Variants in MARCHF1 observed in about 807,000 individuals in gnomAD.
The protein encoded by MARCHF1 is membrane associated ring-CH-type finger 1.
MARCHF1 carries 40 observed loss-of-function variants against 54.2 expected under a neutral mutation model. That is an observed-to-expected ratio of 0.74 (90% confidence interval 0.57 to 0.96). The LOEUF (loss-of-function observed/expected upper bound fraction) is 0.96, where lower values mean the gene tolerates loss of function less well. MARCHF1 is among the 40% of genes least tolerant of loss of function. The pLI is 0.00. For synonymous variants in MARCHF1, 236 were observed against 236.3 expected (o/e 1.00, Z 0.01); for missense variants, 586 against 656.5 (o/e 0.89, Z 1.17).
chr4:163,970,202 G>C (rs1752522235), intron 3 of MARCHF1, among the ~76,000 whole-genome samples: 1 of 152,156 alleles, frequency 6.6e-6, no homozygotes, highest in Non-Finnish European at 1.5e-5. Context: ...TTTAGAGGTA[G>C]TCAACTAGTT....
chr4:164,264,011 T>C (rs2111286039), intron 1 of MARCHF1, among the ~76,000 whole-genome samples: 1 of 152,266 alleles, frequency 6.6e-6, no homozygotes, highest in South Asian at 2.1e-4. Context: ...CAGATGAATA[T>C]AAATAATTCT....
chr4:164,242,300 C>T (rs1732792677), intron 1 of MARCHF1, among the ~76,000 whole-genome samples: 1 of 145,284 alleles, frequency 6.9e-6, no homozygotes. Flanking sequence ...CAGACTGCCT[C>T]CTCAAGTGGG....
chr4:164,242,406 C>A (rs1320328780), intron 1 of MARCHF1, among the ~76,000 whole-genome samples: 10 of 145,534 alleles, frequency 6.9e-5, no homozygotes, highest in Non-Finnish European at 1.1e-4. Flanking sequence ...AACAGACCTG[C>A]AGCTGAGGGT....
chr4:163,834,396 T>C (rs966094702), intron 4 of MARCHF1, among the ~76,000 whole-genome samples: 1 of 152,206 alleles, frequency 6.6e-6, no homozygotes, highest in African/African-American at 2.4e-5. Flanking sequence ...ATTTTCTCAA[T>C]CTCTATAAAG....
intron 1 of MARCHF1, among the ~76,000 whole-genome samples, chr4:164,224,746 G>T (rs114192481): frequency 3.3e-5 from 5 of 151,848 alleles, no homozygotes; most frequent in Non-Finnish European, 7.4e-5. Context: ...TTAATATAGT[G>T]CAATTCTTAG....
chr4:164,200,986 C>G (rs1405311291), intron 1 of MARCHF1, among the ~76,000 whole-genome samples: 1 of 151,856 alleles, frequency 6.6e-6, no homozygotes, highest in East Asian at 1.9e-4. Flanking sequence ...AGCCAGACCA[C>G]GAGGCAGAAA....
chr4:164,118,480 A>G (rs1486905213), intron 1 of MARCHF1, among the ~76,000 whole-genome samples: 1 of 151,080 alleles, frequency 6.6e-6, no homozygotes, highest in Non-Finnish European at 1.5e-5. Flanking sequence ...AAATATCAAA[A>G]GAAATACAAA....
chr4:164,183,529 T>G (rs932312767), intron 1 of MARCHF1, among the ~76,000 whole-genome samples: 3 of 152,222 alleles, frequency 2.0e-5, no homozygotes, highest in African/African-American at 7.2e-5. Context: ...TTTTCTTAAT[T>G]TTGAATTCCA....
intron 2 of MARCHF1, among the ~76,000 whole-genome samples, chr4:164,084,882 G>A (rs1755164828): frequency 6.6e-6 from 1 of 151,646 alleles, no homozygotes; most frequent in Non-Finnish European, 1.5e-5. Context: ...ACAAAACAGT[G>A]TTGTGTAAGT....
intron 1 of MARCHF1, among the ~76,000 whole-genome samples, chr4:164,239,034 ATT>A (rs954162474): frequency 8.6e-5 from 13 of 151,962 alleles, no homozygotes; most frequent in African/African-American, 3.1e-4. Flanking sequence ...ATGGATCACC[ATT>A]GTTTTTCAGG....
rs941698994 is a variant in MARCHF1, at chr4:163,612,801, T to C, written c.480A>G (p.Ser160=). Residue 160 remains serine, a synonymous_variant, in exon 7 of 10, where the codon TCA becomes TCG. Coordinates refer to ENST00000514618, the MANE Select transcript of MARCHF1 (RefSeq NM_001394959.1). Reference sequence around the variant, plus strand: ...GACTCTCATCTGTGGAAGATGAATCTGAAGAATCTGTGTAAAGCTCCCTCC... The same window carrying C: ...GACTCTCATCTGTGGAAGATGAATCCGAAGAATCTGTGTAAAGCTCCCTCC... ...PRWRELYTDS[S]DSSSTDESHW... 8 of 1,535,170 alleles carry C rather than the reference T, an allele frequency of 5.2e-6. No homozygotes were observed. In the African/African-American group the frequency reaches 1.1e-4, roughly 21 times the overall value.
At chr4:163,890,408 A>G (rs1455012386) in intron 3 of MARCHF1, among the ~76,000 whole-genome samples, 1 of 152,036 alleles carries the variant, frequency 6.6e-6, no homozygotes, top group Non-Finnish European at 1.5e-5. Flanking sequence ...TGCTACTTGA[A>G]GGACAATAAA....
intron 4 of MARCHF1, among the ~76,000 whole-genome samples, chr4:163,765,973 G>C (rs1320326183): frequency 6.7e-6 from 1 of 148,644 alleles, no homozygotes; most frequent in Non-Finnish European, 1.5e-5. Context: ...TCCCTCCTCT[G>C]TGTTCTGAAT....
chr4:164,102,648 C>A (rs1016605038), intron 2 of MARCHF1, among the ~76,000 whole-genome samples: 1 of 151,436 alleles, frequency 6.6e-6, no homozygotes, highest in Admixed American at 6.6e-5. Flanking sequence ...CGGCACCAGC[C>A]GCTGCAAAAT....
At chr4:164,203,052 T>G (rs1304324575) in intron 1 of MARCHF1, among the ~76,000 whole-genome samples, 1 of 151,808 alleles carries the variant, frequency 6.6e-6, no homozygotes, top group African/African-American at 2.4e-5. Flanking sequence ...TTTGGAGCTG[T>G]TCGCCCCCTC....
At chr4:164,229,170 C>T (rs191186091) in intron 1 of MARCHF1, among the ~76,000 whole-genome samples, 1 of 152,310 alleles carries the variant, frequency 6.6e-6, no homozygotes, top group Non-Finnish European at 1.5e-5. Flanking sequence ...GACACATCTG[C>T]CTTCAAGAAG....
chr4:164,259,950 G>A (rs1216529851), intron 1 of MARCHF1, among the ~76,000 whole-genome samples: 1 of 152,138 alleles, frequency 6.6e-6, no homozygotes, highest in African/African-American at 2.4e-5. Context: ...GGTTGCTGGA[G>A]GGCCACCCTC....
At chr4:163,741,886 A>T (rs867720866) in intron 4 of MARCHF1, among the ~76,000 whole-genome samples, 1 of 152,166 alleles carries the variant, frequency 6.6e-6, no homozygotes, top group Non-Finnish European at 1.5e-5. Flanking sequence ...ACACATTTTA[A>T]TGTTTTCCAT....
At chr4:163,770,261 A>G (rs1222885826) in intron 4 of MARCHF1, among the ~76,000 whole-genome samples, 2 of 152,118 alleles carry the variant, frequency 1.3e-5, no homozygotes, top group Non-Finnish European at 2.9e-5. Context: ...CAACTTCCAC[A>G]TTGTTCAAGA....
Sources: allele counts gnomAD v4.1 joint callset (sites outside exome capture counted in the v4.1 genomes callset), GRCh38; gene constraint gnomAD v4.1.1; transcripts MANE v1.5; gene names NCBI Gene and HGNC (gene_info 2026-07-23, HGNC 2026-07-21).